HCST: variants seen among roughly 807,000 people sequenced by gnomAD.
HCST encodes the protein DNAX-activation protein 10.
A neutral mutation model predicts 10.8 loss-of-function variants in HCST; 12 were observed. The observed-to-expected ratio is 1.12, with a 90% CI of 0.72 to 1.81. The LOEUF (loss-of-function observed/expected upper bound fraction) is 1.81. HCST is among the 40% of genes most tolerant of loss of function. The probability of loss-of-function intolerance (pLI) is 0.00; values close to 1 mark genes in which losing one functional copy is unlikely to be tolerated. For synonymous variants in HCST, 59 were observed against 51.6 expected (o/e 1.14, Z -0.61); for missense variants, 102 against 117.9 (o/e 0.87, Z 0.62).
At chr19:35,903,583 C>T (rs1975636570) in intron 2 of HCST, 167 bp downstream of exon 2, 1 of 1,021,314 alleles carries the variant, frequency 9.8e-7, no homozygotes, top group South Asian at 1.4e-5. Context: ...GTGTGCCCGC[C>T]GCACAGCCCC....
intron 3 of HCST, 28 bp downstream of exon 3, chr19:35,903,931 A>C: frequency 6.2e-7 from 1 of 1,603,152 alleles, no homozygotes; most frequent in Non-Finnish European, 8.5e-7. Flanking sequence ...CGGGGCCTGG[A>C]AGGTGTATAG....
chr19:35,903,729 G>T lies in HCST; in HGVS notation c.110-43G>T, dbSNP rs1017498724. 4 of 1,613,838 alleles carry T rather than the reference G, an allele frequency of 2.5e-6. No individual in the cohort carries two copies. The South Asian group carries it at 3.3e-5, about 13-fold the overall frequency. On this transcript the variant is annotated intron_variant, in intron 2 of 3. Transcript: ENST00000246551. ...TGTGGCCAAAGCACAGCCCCAGGAC[G>T]CAGAGCTTGAGTTGTCTCCCTGTTC...
chr19:35,903,397 C>T lies in HCST; in HGVS notation c.90C>T (p.Ala30=). 2 of 1,613,908 alleles carry T rather than the reference C, an allele frequency of 1.2e-6. No homozygotes were observed. Among genetic ancestry groups the T allele is most frequent in the Non-Finnish European group, 1.7e-6 (2 of 1,179,890 alleles). ...TTPGERSSLP[A]FYPGTSGSCS... Reference sequence around the variant, plus strand: ...CAGGAGAGAGATCATCACTCCCTGCCTTTTACCCTGGCACTTCAGGTATCA... The same window carrying T: ...CAGGAGAGAGATCATCACTCCCTGCTTTTTACCCTGGCACTTCAGGTATCA... The change falls in exon 2 of 4, where the codon GCC becomes GCT. Residue 30 remains alanine, a synonymous_variant. Transcript: ENST00000246551.
rs561061171 is a variant in HCST, at chr19:35,903,896, C to A, written c.234C>A (p.Pro78=). Residue 78 remains proline, a synonymous_variant, in exon 3 of 4, where the codon CCC becomes CCA. Transcript: ENST00000246551. The part of the protein sequence containing the change: ...VFLCARPRRS[P]AQEDGKVYIN... ...TGTGCGCACGCCCACGCCGCAGCCC[C>A]GCCCAAGGTGAGGGCGGAGATGGGC... The A allele has an allele frequency of 6.2e-6, 10 of 1,611,022 alleles. No homozygotes were observed. Among genetic ancestry groups the A allele is most frequent in the Admixed American group, 1.7e-5 (1 of 59,814 alleles).
intron 1 of HCST, chr19:35,903,013 T>TG (rs1264694346): frequency 2.4e-6 from 1 of 419,138 alleles, no homozygotes; most frequent in Non-Finnish European, 4.4e-6. Flanking sequence ...TATTTTGAGA[T>TG]GGGGTCTTGC....
In HCST at chr19:35,904,353, C is replaced by A; in HGVS notation, c.*193C>A. ...ACTGTTTCTGGATCCAAGGCCCCCT[C>A]AGAACCCCCACATGTCCCCATCCCA... On this transcript the variant is annotated 3_prime_UTR_variant, in exon 4 of 4. Transcript: ENST00000246551. 1.2e-6 allele frequency: 1 copy of A among 805,124 alleles called. No homozygotes were observed. The highest frequency in any genetic ancestry group is 2.1e-6 in the Non-Finnish European group (1 of 478,248). The allele number at this position is 805,124 out of a possible 1,614,324, so 49.9% of individuals were successfully genotyped here.
chr19:35,903,994 A>G, intron 3 of HCST, 91 bp downstream of exon 3: 1 of 1,579,222 alleles, frequency 6.3e-7, no homozygotes, highest in Admixed American at 1.8e-5. Context: ...GCCCTGGAGG[A>G]GGTGCTGGGG....
chr19:35,904,348 C>A lies in HCST; in HGVS notation c.*188C>A. 1.3e-6 allele frequency: 1 copy of A among 792,454 alleles called. No individual in the cohort carries two copies. Among genetic ancestry groups the A allele is most frequent in the Non-Finnish European group, 2.1e-6 (1 of 468,068 alleles). The allele number at this position is 792,454 out of a possible 1,614,324, so 49.1% of individuals were successfully genotyped here. A position where few individuals can be genotyped will look rare whatever the true frequency, so the allele number is the denominator to read the frequency against. On this transcript the variant is annotated 3_prime_UTR_variant, in exon 4 of 4. Coordinates refer to ENST00000246551, the MANE Select transcript of HCST (RefSeq NM_014266.4). ...CATGAACTGTTTCTGGATCCAAGGCCCCCTCAGAACCCCCACATGTCCCCA... is the reference window on the plus strand; with the variant it reads ...CATGAACTGTTTCTGGATCCAAGGCACCCTCAGAACCCCCACATGTCCCCA...
Position 35,904,328 on chromosome 19 carries a change from A to G in HCST, c.*168A>G. The G allele has an allele frequency of 1.2e-6, 1 of 848,702 alleles. No homozygotes were observed. The highest frequency in any genetic ancestry group is 1.4e-5 in the South Asian group (1 of 69,116). The allele number at this position is 848,702 out of a possible 1,614,324, so 52.6% of individuals were successfully genotyped here. A position where few individuals can be genotyped will look rare whatever the true frequency, so the allele number is the denominator to read the frequency against. ...AGTTCCCAAAGCCTCCCTCCCATGAACTGTTTCTGGATCCAAGGCCCCCTC... is the reference window on the plus strand; with the variant it reads ...AGTTCCCAAAGCCTCCCTCCCATGAGCTGTTTCTGGATCCAAGGCCCCCTC... On this transcript the variant is annotated 3_prime_UTR_variant, in exon 4 of 4. Transcript: ENST00000246551.
chr19:35,903,247 T>C (rs922611813), intron 1 of HCST, 104 bp from the exon 2 acceptor site: 3 of 987,344 alleles, frequency 3.0e-6, no homozygotes, highest in Middle Eastern at 2.1e-4. Flanking sequence ...TGCCTCGGCC[T>C]CCCAAAGTGC....
chr19:35,903,641 T>C, intron 2 of HCST, 131 bp from the exon 3 acceptor site: 2 of 1,344,806 alleles, frequency 1.5e-6, no homozygotes, highest in Admixed American at 2.0e-5. Flanking sequence ...TCCCGTTTCA[T>C]TCCCCAAGCG....
chr19:35,903,611 C>T, intron 2 of HCST, 161 bp from the exon 3 acceptor site: 1 of 1,146,872 alleles, frequency 8.7e-7, no homozygotes, highest in Non-Finnish European at 1.3e-6. Context: ...CTGGGACACC[C>T]CAGCCTCTCT....
chr19:35,904,186 TTC>T lies in HCST; in HGVS notation c.*28_*29del. 2 of 1,612,706 alleles carry T rather than the reference TTC, an allele frequency of 1.2e-6. No homozygotes were observed. The highest frequency in any genetic ancestry group is 3.3e-4 in the Middle Eastern group (2 of 6,058). ...CCCTCCTGCAGCTTGGACCTTTGAC[TTC>T]TGACCCTCTCATCCTGGATGGTGTG... On this transcript the variant is annotated 3_prime_UTR_variant, in exon 4 of 4. Transcript: ENST00000246551.
intron 2 of HCST, 37 bp from the exon 3 acceptor site, chr19:35,903,735 C>T: frequency 6.2e-7 from 1 of 1,613,956 alleles, no homozygotes; most frequent in East Asian, 2.2e-5. Flanking sequence ...GGACGCAGAG[C>T]TTGAGTTGTC....
Position 35,904,277 on chromosome 19 carries a change from T to C in HCST, c.*117T>C. On this transcript the variant is annotated 3_prime_UTR_variant, in exon 4 of 4. Coordinates refer to ENST00000246551, the MANE Select transcript of HCST (RefSeq NM_014266.4). The stretch of plus-strand genomic sequence containing the variant: ...AATAAAACAATTGAAACACCTGTAG[T>C]CGTATTCTTTCTCAAAGAACCCCAG... 9.0e-7 allele frequency: 1 copy of C among 1,108,046 alleles called. No homozygotes were observed. The highest frequency in any genetic ancestry group is 1.4e-6 in the Non-Finnish European group (1 of 734,700). The allele number at this position is 1,108,046 out of a possible 1,614,324, so 68.6% of individuals were successfully genotyped here. A position where few individuals can be genotyped will look rare whatever the true frequency, so the allele number is the denominator to read the frequency against.
In HCST at chr19:35,903,835, C is replaced by A. The variant is rs1043285801; in HGVS notation, c.173C>A (p.Ala58Glu). Residue 58 changes from alanine to glutamate, a missense_variant, in exon 3 of 4, where the codon GCG becomes GAG. Physicochemically the swap from Ala to Glu is moderately radical, Grantham distance 107. Coordinates refer to ENST00000246551, the MANE Select transcript of HCST (RefSeq NM_014266.4). ...CTGGCAGGCCTCGTGGCTGCTGATG[C>A]GGTGGCATCGCTGCTCATCGTGGGG... ...PLLAGLVAAD[A>E]VASLLIVGAV... is the part of the protein sequence containing the mutation. The A allele has an allele frequency of 6.2e-6, 10 of 1,613,640 alleles. No homozygotes were observed. The highest frequency in any genetic ancestry group is 7.6e-6 in the Non-Finnish European group (9 of 1,180,006).
At position 35,904,276 on chromosome 19, in the gene HCST, G is replaced by C; in HGVS notation, c.*116G>C. On this transcript the variant is annotated 3_prime_UTR_variant, in exon 4 of 4. Transcript: ENST00000246551. ...TAATAAAACAATTGAAACACCTGTA[G>C]TCGTATTCTTTCTCAAAGAACCCCA... 1 of 1,123,038 alleles carries C rather than the reference G, an allele frequency of 8.9e-7. No individual in the cohort carries two copies. The highest frequency in any genetic ancestry group is 1.3e-5 in the South Asian group (1 of 77,522). 69.6% of individuals were successfully genotyped at this position (1,123,038 alleles called of 1,614,324 possible).
Position 35,903,918 on chromosome 19 carries a change from G to A in HCST, c.241+15G>A, listed in dbSNP as rs1335007025. 6.2e-7 allele frequency: 1 copy of A among 1,607,794 alleles called. No individual in the cohort carries two copies. Among genetic ancestry groups the A allele is most frequent in the Admixed American group, 1.7e-5 (1 of 59,376 alleles). On this transcript the variant is annotated intron_variant, in intron 3 of 3. Transcript: ENST00000246551. The stretch of plus-strand genomic sequence containing the variant: ...CCCCGCCCAAGGTGAGGGCGGAGAT[G>A]GGCGGGGCCTGGAAGGTGTATAGTG...
intron 1 of HCST, 158 bp downstream of exon 1, chr19:35,902,794 C>A: frequency 1.4e-6 from 1 of 718,950 alleles, no homozygotes; most frequent in Non-Finnish European, 2.3e-6. Flanking sequence ...TCCTTGGGGG[C>A]GGAAGGGGGT....
Sources: gnomAD v4.1 joint callset for allele counts on GRCh38, gnomAD v4.1.1 for gene constraint, MANE v1.5 for transcripts, NCBI Gene and HGNC (gene_info 2026-07-23, HGNC 2026-07-21) for gene names.